UNC13B: variants seen among roughly 807,000 people sequenced by gnomAD.
The protein encoded by UNC13B is unc-13 homolog B.
UNC13B carries 144 observed loss-of-function variants against 211.0 expected under a neutral mutation model. That is an observed-to-expected ratio of 0.68 (90% CI 0.60 to 0.78). The LOEUF is 0.78. Among genes scored for constraint, UNC13B ranks in the 30% least tolerant of loss-of-function variants. The pLI is 0.00. For missense variants in UNC13B, 1,777 were observed against 2,002.0 expected (o/e 0.89, Z 2.14); for synonymous variants, 709 against 725.8 (o/e 0.98, Z 0.37).
Position 35,298,466 on chromosome 9 carries a change from T to C in UNC13B, c.762-1700T>C, listed in dbSNP as rs528003996. On this transcript the variant is annotated intron_variant, in intron 8 of 39. Coordinates refer to ENST00000635942, the MANE Select transcript of UNC13B (RefSeq NM_001371189.2). ...ACCAGACCATAGGATGATGTCCTTT[T>C]CTTGCCCACCTCACCAAACTGCTAC... is the stretch of plus-strand genomic sequence containing the variant. Among the ~76,000 whole-genome samples the C allele has an allele frequency of 5.9e-5, 9 of 152,282 alleles. No homozygotes were observed. The South Asian group carries it at 1.9e-3, about 32-fold the overall frequency.
rs548140430 is a variant in UNC13B at position 35,197,519 on chromosome 9, C to A, written c.23-30496C>A. ...CACTACACCCAGCCATTTTTCAAAACCCCTGTTTGTTTTAATATGTGATAT... is the reference window on the plus strand; with the variant it reads ...CACTACACCCAGCCATTTTTCAAAAACCCTGTTTGTTTTAATATGTGATAT... On this transcript the variant is annotated intron_variant, in intron 1 of 39. Transcript: ENST00000635942. 6.3e-3 allele frequency among the ~76,000 whole-genome samples: 955 copies of A among 152,288 alleles called. 12 individuals are homozygous for A. Among genetic ancestry groups the A allele is most frequent in the Middle Eastern group, 0.014 (4 of 294 alleles).
intron 1 of UNC13B, among the ~76,000 whole-genome samples, chr9:35,168,272 A>T (rs776916701): frequency 1.3e-5 from 2 of 152,112 alleles, no homozygotes; most frequent in Non-Finnish European, 2.9e-5. Flanking sequence ...AGGGGTACAT[A>T]TGCAGGTTTG....
Position 35,381,788 on chromosome 9 carries a change from A to T in UNC13B, c.10655+69A>T. On this transcript the variant is annotated intron_variant, in intron 20 of 39. Transcript: ENST00000635942. ...GGGTGGCTAATTAAGGCACACTGACATGGTGGGCAGGTCCTTAGTGAGGTA... is the reference window on the plus strand; with the variant it reads ...GGGTGGCTAATTAAGGCACACTGACTTGGTGGGCAGGTCCTTAGTGAGGTA... 3 of 1,573,520 alleles carry T rather than the reference A, an allele frequency of 1.9e-6. No individual in the cohort carries two copies. The South Asian group carries it at 3.6e-5, about 19-fold the overall frequency.
chr9:35,401,281 G>T (rs1300428971), intron 37 of UNC13B, among the ~76,000 whole-genome samples: 1 of 152,190 alleles, frequency 6.6e-6, no homozygotes, highest in Non-Finnish European at 1.5e-5. Flanking sequence ...AGGGGAGAGG[G>T]CTCTAAGCAG....
chr9:35,217,971 CTG>C (rs1304333977), intron 1 of UNC13B, among the ~76,000 whole-genome samples: 1 of 151,926 alleles, frequency 6.6e-6, no homozygotes, highest in African/African-American at 2.4e-5. Flanking sequence ...CTGCAGTGAG[CTG>C]TGTTTGCACC....
chr9:35,266,548 A>G (rs1032786433), intron 7 of UNC13B, among the ~76,000 whole-genome samples: 3 of 152,224 alleles, frequency 2.0e-5, no homozygotes, highest in Non-Finnish European at 2.9e-5. Context: ...TTAAAAATAA[A>G]TAAGTTTAAA....
intron 1 of UNC13B, among the ~76,000 whole-genome samples, chr9:35,210,664 C>T (rs1823917953): frequency 1.3e-5 from 2 of 152,078 alleles, no homozygotes; most frequent in South Asian, 4.1e-4. Context: ...GCTGGGACTA[C>T]AGGCATGTGC....
intron 11 of UNC13B, among the ~76,000 whole-genome samples, chr9:35,315,604 T>TA (rs1248921107): frequency 6.6e-6 from 1 of 152,308 alleles, no homozygotes; most frequent in African/African-American, 2.4e-5. Flanking sequence ...CAGTTCTGTA[T>TA]AACCATGATA....
chr9:35,240,003 G>A (rs781424025), intron 5 of UNC13B, among the ~76,000 whole-genome samples: 1 of 152,172 alleles, frequency 6.6e-6, no homozygotes, highest in African/African-American at 2.4e-5. Context: ...TTACAAAGAT[G>A]ACGGGATTAA....
At chr9:35,378,159 A>G in intron 16 of UNC13B, 136 bp from the exon 17 acceptor site, 1 of 1,290,400 alleles carries the variant, frequency 7.7e-7, no homozygotes, top group African/African-American at 1.5e-5. Flanking sequence ...GCCCAGGACA[A>G]AGAATAAATA....
chr9:35,403,559 A>G lies in UNC13B; in HGVS notation c.12697A>G (p.Ser4233Gly). Residue 4233 changes from serine (S) to glycine (G), a missense_variant, in exon 39 of 40, where the codon AGC becomes GGC. Ser to Gly is a moderately conservative substitution (Grantham distance 56). Coordinates refer to ENST00000635942, the MANE Select transcript of UNC13B (RefSeq NM_001371189.2). ...GAGGAAGTTCACAACCAAATCCAAA[A>G]GCAACAACTGGGCCCCCAAGTACAA... is the stretch of plus-strand genomic sequence containing the variant. ...KKRKFTTKSK[S>G]NNWAPKYNET... 1.9e-6 allele frequency: 3 copies of G among 1,602,828 alleles called. No individual in the cohort carries two copies. The highest frequency in any genetic ancestry group is 2.6e-6 in the Non-Finnish European group (3 of 1,173,856).
At chr9:35,375,981 AAAC>A in intron 14 of UNC13B, 44 bp from the exon 15 acceptor site, 1 of 1,603,282 alleles carries the variant, frequency 6.2e-7, no homozygotes, top group East Asian at 2.2e-5. Flanking sequence ...CTCTGTCTCA[AAAC>A]AAACAAAAAA....
chr9:35,390,734 A>T lies in UNC13B; in HGVS notation c.11308+20A>T. 1 of 1,604,956 alleles carries T rather than the reference A, an allele frequency of 6.2e-7. No individual in the cohort carries two copies. The highest frequency in any genetic ancestry group is 1.1e-5 in the South Asian group (1 of 89,082). On this transcript the variant is annotated intron_variant, in intron 26 of 39. Transcript: ENST00000635942. ...TGGAGGGTAAGGATCTGTTCAAATC[A>T]GTGGGCTGCCAGGCTCCTAGCCCAA...
chr9:35,398,752 T>C, intron 32 of UNC13B, 110 bp downstream of exon 32: 1 of 1,558,840 alleles, frequency 6.4e-7, no homozygotes, highest in Non-Finnish European at 8.8e-7. Context: ...GGATCTTCCC[T>C]GTACTCCTGC....
At chr9:35,337,386 A>G (rs1037043988) in intron 11 of UNC13B, among the ~76,000 whole-genome samples, 1 of 152,210 alleles carries the variant, frequency 6.6e-6, no homozygotes, top group Admixed American at 6.5e-5. Context: ...CACTGGGTAA[A>G]GAATTAGAAT....
intron 7 of UNC13B, among the ~76,000 whole-genome samples, chr9:35,272,270 T>G (rs1319169417): frequency 6.7e-6 from 1 of 150,052 alleles, no homozygotes; most frequent in African/African-American, 2.4e-5. Flanking sequence ...TTTGTTTTTT[T>G]TTTTTGAGAT....
intron 7 of UNC13B, among the ~76,000 whole-genome samples, chr9:35,270,319 C>G (rs552081903): frequency 1.3e-3 from 189 of 141,806 alleles, no homozygotes; most frequent in African/African-American, 4.7e-3. Context: ...CATATATTCT[C>G]TCTCTCTCTA....
At chr9:35,281,703 G>A (rs1480835792) in intron 7 of UNC13B, among the ~76,000 whole-genome samples, 1 of 152,108 alleles carries the variant, frequency 6.6e-6, no homozygotes, top group Non-Finnish European at 1.5e-5. Flanking sequence ...CACCCTTATA[G>A]TATAGAATAG....
intron 11 of UNC13B, among the ~76,000 whole-genome samples, chr9:35,357,578 G>GTT (rs201402392): frequency 5.1e-5 from 6 of 117,514 alleles, no homozygotes; most frequent in East Asian, 5.1e-4. Flanking sequence ...TTTTTTTATT[G>GTT]TTTTTTTTTT....
Sources: gnomAD v4.1 joint callset for allele counts (sites outside exome capture counted in the v4.1 genomes callset) on GRCh38, gnomAD v4.1.1 for gene constraint, MANE v1.5 for transcripts, NCBI Gene and HGNC (gene_info 2026-07-23, HGNC 2026-07-21) for gene names.